GPNMB: variants seen among roughly 807,000 people sequenced by gnomAD.
The protein encoded by GPNMB is glycoprotein nmb, also known as transmembrane glycoprotein NMB.
Under a neutral mutation model 57.3 loss-of-function variants are expected in GPNMB, and 71 were observed. The observed-to-expected ratio is 1.24, with a 90% CI of 1.02 to 1.51. GPNMB has a LOEUF of 1.51. Ranked by LOEUF, GPNMB falls within the 40% of genes most tolerant of loss-of-function variation. GPNMB has a pLI of 0.00. For synonymous variants in GPNMB, 253 were observed against 263.2 expected, an observed-to-expected ratio of 0.96 and a Z score of 0.38; for missense variants, 677 against 691.9, an observed-to-expected ratio of 0.98 and a Z score of 0.24.
At position 23,274,056 on chromosome 7, in the gene GPNMB, T is replaced by G; in HGVS notation, c.1524-9T>G. 1 of 1,589,994 alleles carries G rather than the reference T, an allele frequency of 6.3e-7. No individual in the cohort carries two copies. The highest frequency in any genetic ancestry group is 2.2e-5 in the East Asian group (1 of 44,702). On this transcript the variant is annotated splice_polypyrimidine_tract_variant and intron_variant, in intron 10 of 10. Coordinates refer to ENST00000258733, the MANE Select transcript of GPNMB (RefSeq NM_002510.3). The stretch of plus-strand genomic sequence containing the variant: ...TTTTAAAAATAACTAACCAACAGAT[T>G]GTTTTCAGAAAACACAAGGAATACA...
At chr7:23,272,846 C>CTTTTTTTTTTTTTTTT (rs34346503) in intron 9 of GPNMB, among the ~76,000 whole-genome samples, 2 of 139,644 alleles carry the variant, frequency 1.4e-5, no homozygotes, top group African/African-American at 5.5e-5. Flanking sequence ...AGGTGGTGAT[C>CTTTTTTTTTTTTTTTT]TTTTTTTTTT....
intron 1 of GPNMB, among the ~76,000 whole-genome samples, chr7:23,250,012 A>G (rs920599370): frequency 2.1e-4 from 32 of 152,204 alleles, no homozygotes; most frequent in Admixed American, 3.9e-4. Context: ...GTGATATTTC[A>G]CTACTGGCTA....
At position 23,274,368 on chromosome 7, in the gene GPNMB, C is replaced by A; in HGVS notation, c.*144C>A. 1 of 619,998 alleles carries A rather than the reference C, an allele frequency of 1.6e-6. No individual in the cohort carries two copies. Among genetic ancestry groups the A allele is most frequent in the Admixed American group, 3.1e-5 (1 of 32,360 alleles). 38.4% of individuals were successfully genotyped at this position (619,998 alleles called of 1,614,324 possible). ...GTTGAATTTTTTATAGGTTAAATGT[C>A]ATTTTAGAGATGGGGAGAGGGATTA... On this transcript the variant is annotated 3_prime_UTR_variant, in exon 11 of 11. Coordinates refer to ENST00000258733, the MANE Select transcript of GPNMB (RefSeq NM_002510.3).
chr7:23,265,027 G>A (rs1423110376), intron 6 of GPNMB, among the ~76,000 whole-genome samples: 1 of 152,196 alleles, frequency 6.6e-6, no homozygotes, highest in East Asian at 1.9e-4. Context: ...TGAAACTCAA[G>A]GGACATTCCC....
chr7:23,272,487 AAGAG>A (rs926245000), intron 9 of GPNMB, among the ~76,000 whole-genome samples: 9 of 151,684 alleles, frequency 5.9e-5, no homozygotes, highest in African/African-American at 2.2e-4. Flanking sequence ...GAGAGAGAAA[AAGAG>A]AGAGAGAAAG....
rs117207752 is a variant in GPNMB at position 23,247,652 on chromosome 7, G to A, written c.70+725G>A. ...CTGTAACCCTGGGCCTGGGATTGCG[G>A]GGACGGGACGGGTGGGAAGCGGCCA... On this transcript the variant is annotated intron_variant, in intron 1 of 10. Transcript: ENST00000258733. 8.5e-3 allele frequency: 1,306 copies of A among 152,846 alleles called. 6 individuals are homozygous for A. Among genetic ancestry groups the A allele is most frequent in the Non-Finnish European group, 0.013 (886 of 68,468 alleles). 9.5% of individuals were successfully genotyped at this position (152,846 alleles called of 1,614,324 possible). A position where few individuals can be genotyped will look rare whatever the true frequency, so the allele number is the denominator to read the frequency against.
chr7:23,261,597 C>T (rs182666738), intron 6 of GPNMB, among the ~76,000 whole-genome samples: 1 of 151,964 alleles, frequency 6.6e-6, no homozygotes, highest in African/African-American at 2.4e-5. Context: ...CACTTGGACA[C>T]AGGGCGGGGA....
At chr7:23,269,178 G>A (rs1252348813) in intron 8 of GPNMB, among the ~76,000 whole-genome samples, 2 of 152,124 alleles carry the variant, frequency 1.3e-5, no homozygotes, top group African/African-American at 2.4e-5. Flanking sequence ...CTGAAGTCAG[G>A]AGTTTGAGAC....
In GPNMB at chr7:23,260,726, C is replaced by T. The variant is rs35363287; in HGVS notation, c.971C>T (p.Pro324Leu). 9,709 of 1,592,010 alleles carry T rather than the reference C, an allele frequency of 6.1e-3. 176 individuals are homozygous for T. In the African/African-American group the frequency reaches 0.063, roughly 10 times the overall value. ...TVKAAAPGPC[P>L]PPPPPPRPSK... ...AAAGCTGCAGCACCAGGACCTTGTC[C>T]GCCACCGCCACCACCACCCAGACCT... is the stretch of plus-strand genomic sequence containing the variant. The change falls in exon 6 of 11, where the codon CCG becomes CTG. Residue 324 changes from proline (P) to leucine (L), a missense_variant. Transcript: ENST00000258733.
chr7:23,265,378 G>C (rs890571970), intron 6 of GPNMB, among the ~76,000 whole-genome samples: 4 of 152,176 alleles, frequency 2.6e-5, no homozygotes, highest in Admixed American at 6.5e-5. Flanking sequence ...AAAGAAGATT[G>C]TATTTTCAGT....
intron 9 of GPNMB, 128 bp downstream of exon 9, chr7:23,270,303 T>C: frequency 4.7e-6 from 3 of 633,036 alleles, no homozygotes; most frequent in Non-Finnish European, 8.3e-6. Flanking sequence ...ATTGAACTCT[T>C]ATTAATAAGG....
intron 3 of GPNMB, among the ~76,000 whole-genome samples, chr7:23,256,010 A>G (rs1451877086): frequency 6.6e-6 from 1 of 151,998 alleles, no homozygotes; most frequent in East Asian, 1.9e-4. Context: ...AGGTTCAAGC[A>G]ATTCTCCTGC....
At chr7:23,251,924 C>T (rs1782670923) in intron 1 of GPNMB, among the ~76,000 whole-genome samples, 1 of 152,154 alleles carries the variant, frequency 6.6e-6, no homozygotes, top group African/African-American at 2.4e-5. Context: ...AGGCGGGAAA[C>T]AGCTTCTTGG....
In GPNMB at chr7:23,257,056, C is replaced by T; in HGVS notation, c.532C>T (p.His178Tyr). The change falls in exon 4 of 11, where the codon CAC (histidine) becomes TAC (tyrosine). Residue 178 changes from histidine (H) to tyrosine (Y), a missense_variant. Transcript: ENST00000258733. ...WRRWNFIYVF[H>Y]TLGQYFQKLG... ...AAGATGGAATTTCATCTACGTCTTC[C>T]ACACACTTGGTTGGCTTTTACAAAC... 6.2e-7 allele frequency: 1 copy of T among 1,613,994 alleles called. No individual in the cohort carries two copies.
intron 4 of GPNMB, among the ~76,000 whole-genome samples, chr7:23,258,581 T>G (rs1782836773): frequency 1.3e-5 from 2 of 152,238 alleles, no homozygotes; most frequent in Admixed American, 6.5e-5. Context: ...TGTCTGTATT[T>G]AAAATCAACT....
intron 1 of GPNMB, among the ~76,000 whole-genome samples, chr7:23,248,357 G>C (rs1192794317): frequency 6.6e-6 from 1 of 152,068 alleles, no homozygotes; most frequent in African/African-American, 2.4e-5. Context: ...AGTCCACTTC[G>C]CTCTGCTCAA....
intron 1 of GPNMB, among the ~76,000 whole-genome samples, chr7:23,249,736 T>C (rs1782618983): frequency 6.6e-6 from 1 of 152,202 alleles, no homozygotes; most frequent in African/African-American, 2.4e-5. Context: ...TTATTTCAAT[T>C]TGGGCTATTA....
intron 4 of GPNMB, 98 bp from the exon 5 acceptor site, chr7:23,259,882 G>T: frequency 1.8e-6 from 2 of 1,139,928 alleles, no homozygotes; most frequent in Non-Finnish European, 1.3e-6. Flanking sequence ...TCCCTCCTCA[G>T]AGCAATCTAT....
intron 8 of GPNMB, 23 bp from the exon 9 acceptor site, chr7:23,269,944 C>G (rs760405966): frequency 1.9e-6 from 3 of 1,591,388 alleles, no homozygotes; most frequent in Non-Finnish European, 2.6e-6. Context: ...CCTGTGCGCC[C>G]TCGCCCACCT....
Sources: gnomAD v4.1 joint callset for allele counts (sites outside exome capture counted in the v4.1 genomes callset) on GRCh38, gnomAD v4.1.1 for gene constraint, MANE v1.5 for transcripts, NCBI Gene and HGNC (gene_info 2026-07-23, HGNC 2026-07-21) for gene names.